The following CTNNA2 variants were observed in gnomAD, a reference collection of about 807,000 sequenced individuals.
CTNNA2 encodes catenin alpha-2.
Under a neutral mutation model 101.0 loss-of-function variants are expected in CTNNA2, and 42 were observed. That is an observed-to-expected ratio of 0.42 (90% CI 0.32 to 0.54). CTNNA2 has a LOEUF of 0.54. Ranked by LOEUF, CTNNA2 falls within the 20% of genes least tolerant of loss-of-function variation. The pLI, the probability that CTNNA2 is intolerant of heterozygous loss-of-function variation, is 0.14. For synonymous variants in CTNNA2, 450 were observed against 456.4 expected, an observed-to-expected ratio of 0.99 and a Z score of 0.18; for missense variants, 871 against 1,223.1, an observed-to-expected ratio of 0.71 and a Z score of 4.29.
intron 13 of CTNNA2, among the ~76,000 whole-genome samples, chr2:80,578,049 G>A (rs994976995): frequency 1.9e-4 from 29 of 152,156 alleles, no homozygotes; most frequent in African/African-American, 7.0e-4. Context: ...GAGGAATAGA[G>A]CACCAGCAGC....
chr2:79,458,985 A>G (rs1026023952), intron 4 of CTNNA2, among the ~76,000 whole-genome samples: 2 of 152,092 alleles, frequency 1.3e-5, no homozygotes, highest in African/African-American at 4.8e-5. Flanking sequence ...CTTTCCCATG[A>G]AAAAAAGAAA....
At chr2:80,593,108 G>C (rs567947602) in intron 15 of CTNNA2, among the ~76,000 whole-genome samples, 1 of 152,094 alleles carries the variant, frequency 6.6e-6, no homozygotes. Context: ...ACATACTCCA[G>C]ATGGGACAAT....
intron 1 of CTNNA2, among the ~76,000 whole-genome samples, chr2:79,579,708 G>C (rs1239474883): frequency 6.6e-6 from 1 of 152,068 alleles, no homozygotes; most frequent in Non-Finnish European, 1.5e-5. Flanking sequence ...TCCTCCTCCT[G>C]GGTTCAAGCG....
chr2:79,641,491 A>G (rs1680446385), intron 1 of CTNNA2, among the ~76,000 whole-genome samples: 2 of 152,210 alleles, frequency 1.3e-5, no homozygotes, highest in Admixed American at 6.5e-5. Context: ...TCTGATTTTC[A>G]GTTGTTGGAA....
intron 3 of CTNNA2, among the ~76,000 whole-genome samples, chr2:79,823,593 A>G (rs1678191913): frequency 6.6e-6 from 1 of 152,080 alleles, no homozygotes; most frequent in African/African-American, 2.4e-5. Context: ...ATACCTCTTA[A>G]ACCTTCAGAA....
At chr2:79,235,477 C>A (rs10779960) in intron 2 of CTNNA2, among the ~76,000 whole-genome samples, 61,125 of 151,612 alleles carry the variant, frequency 0.4, 12,956 homozygotes, top group East Asian at 0.46. Context: ...TTGGAGTTGC[C>A]CCTTCTGACC....
Position 80,422,439 on chromosome 2 carries a change from GTT to G in CTNNA2, c.1290+2850_1290+2851del, listed in dbSNP as rs56679130. On this transcript the variant is annotated intron_variant, in intron 9 of 18. Coordinates refer to ENST00000402739, the MANE Select transcript of CTNNA2 (RefSeq NM_001282597.3). ...TCTTCTTTCCCAATACTTATAGTTT[GTT>G]TTTTTTTTTTTCCTTGCATTATAGT... 5.8e-3 allele frequency among the ~76,000 whole-genome samples: 844 copies of G among 145,326 alleles called. 5 individuals are homozygous for G. Among genetic ancestry groups the G allele is most frequent in the Middle Eastern group, 0.017 (5 of 286 alleles).
At chr2:80,603,480 C>T (rs1697732715) in intron 15 of CTNNA2, 1 of 151,992 alleles carries the variant, frequency 6.6e-6, no homozygotes, top group Non-Finnish European at 1.5e-5. Flanking sequence ...CCAAACAGTT[C>T]CCAGTTATGT....
At chr2:79,607,740 T>C (rs2104157482) in intron 1 of CTNNA2, among the ~76,000 whole-genome samples, 1 of 152,174 alleles carries the variant, frequency 6.6e-6, no homozygotes, top group East Asian at 1.9e-4. Flanking sequence ...AAACACAAGA[T>C]ATGCACATTT....
intron 12 of CTNNA2, among the ~76,000 whole-genome samples, chr2:80,572,493 T>C (rs959150717): frequency 3.3e-5 from 5 of 152,192 alleles, no homozygotes; most frequent in Non-Finnish European, 5.9e-5. Context: ...GTCATACTTA[T>C]GGCAACGTAG....
At chr2:80,495,967 A>AAAAAAAAAAAC (rs1236115589) in intron 9 of CTNNA2, among the ~76,000 whole-genome samples, 1 of 139,070 alleles carries the variant, frequency 7.2e-6, no homozygotes, top group South Asian at 2.4e-4. Context: ...AAAAAAAAAA[A>AAAAAAAAAAAC]GGTGGCCATT....
intron 7 of CTNNA2, among the ~76,000 whole-genome samples, chr2:80,233,370 C>T (rs1250217335): frequency 1.3e-5 from 2 of 152,024 alleles, no homozygotes; most frequent in African/African-American, 4.8e-5. Context: ...TTTGAAGACA[C>T]TACTTGTTTT....
intron 2 of CTNNA2, among the ~76,000 whole-genome samples, chr2:79,306,538 C>T (rs1431698946): frequency 1.3e-5 from 2 of 152,130 alleles, no homozygotes; most frequent in African/African-American, 4.8e-5. Context: ...AATAACACTC[C>T]ATCCTTCTAA....
chr2:80,264,612 A>C (rs1241184504), intron 7 of CTNNA2, among the ~76,000 whole-genome samples: 2 of 152,184 alleles, frequency 1.3e-5, no homozygotes, highest in South Asian at 2.1e-4. Flanking sequence ...GGCTTAGCTT[A>C]GCCTAAAATC....
Position 79,752,608 on chromosome 2 carries a change from T to C in CTNNA2, c.298+8026T>C, listed in dbSNP as rs567793712. Among the ~76,000 whole-genome samples, 27 of 152,316 alleles carry C rather than the reference T, an allele frequency of 1.8e-4. No homozygotes were observed. In the South Asian group the frequency reaches 2.3e-3, roughly 13 times the overall value. On this transcript the variant is annotated intron_variant, in intron 3 of 18. Transcript: ENST00000402739. Reference sequence around the variant, plus strand: ...CAATACATATTGAAGGTATTTCTTTTTGCCTCTCATAGTCTGGTACTCAAC... The same window carrying C: ...CAATACATATTGAAGGTATTTCTTTCTGCCTCTCATAGTCTGGTACTCAAC...
chr2:80,205,925 G>C (rs1374118), intron 7 of CTNNA2, among the ~76,000 whole-genome samples: 103,916 of 152,126 alleles, frequency 0.68, 36,408 homozygotes, highest in African/African-American at 0.85. Context: ...AATTGATTCA[G>C]GACAATGCAT....
Position 80,011,603 on chromosome 2 carries a change from GAAT to G in CTNNA2, c.1056+101807_1056+101809del, listed in dbSNP as rs1693791128. Reference sequence around the variant, plus strand: ...TGAGTGTCCAGTGAGGGAGTTAGATGAATGATCTCCATGGTCCTCTGTTCTGAT... The same window carrying G: ...TGAGTGTCCAGTGAGGGAGTTAGATGGATCTCCATGGTCCTCTGTTCTGAT... On this transcript the variant is annotated intron_variant, in intron 7 of 18. Transcript: ENST00000402739. Among the ~76,000 whole-genome samples the G allele has an allele frequency of 3.9e-4, 14 of 35,694 alleles. No individual in the cohort carries two copies. The South Asian group carries it at 9.7e-3, about 25-fold the overall frequency. The allele number at this position is 35,694 out of a possible 152,430, so 23.4% of individuals were successfully genotyped here. A position where few individuals can be genotyped will look rare whatever the true frequency, so the allele number is the denominator to read the frequency against.
At chr2:79,378,040 T>C (rs774795464) in intron 4 of CTNNA2, among the ~76,000 whole-genome samples, 19 of 152,138 alleles carry the variant, frequency 1.2e-4, no homozygotes, top group Non-Finnish European at 2.4e-4. Flanking sequence ...ATCATCCTAA[T>C]CAATTAAGTC....
intron 7 of CTNNA2, among the ~76,000 whole-genome samples, chr2:80,047,196 A>G (rs1045837655): frequency 6.6e-6 from 1 of 152,220 alleles, no homozygotes; most frequent in African/African-American, 2.4e-5. Context: ...GCAGGCTTAC[A>G]CTGTCCAATC....
Sources: gnomAD v4.1 joint callset for allele counts (sites outside exome capture counted in the v4.1 genomes callset) on GRCh38, gnomAD v4.1.1 for gene constraint, MANE v1.5 for transcripts, NCBI Gene and HGNC (gene_info 2026-07-23, HGNC 2026-07-21) for gene names.